Variants in THOC2 observed in about 807,000 individuals in gnomAD.
The protein encoded by THOC2 is THO complex 2.
Under a neutral mutation model 128.4 loss-of-function variants are expected in THOC2, and 10 were observed. The ratio of observed to expected loss-of-function variants is 0.08; its 90% CI spans 0.05 to 0.13. The LOEUF is 0.13. Among genes scored for constraint, THOC2 ranks in the 10% least tolerant of loss-of-function variants. The probability of loss-of-function intolerance (pLI) is 1.00; values close to 1 mark genes in which losing one functional copy is unlikely to be tolerated. For synonymous variants in THOC2, 393 were observed against 396.9 expected (o/e 0.99, Z 0.12); for missense variants, 535 against 1,155.7 (o/e 0.46, Z 7.79).
At chrX:123,609,324 C>T (rs183398602) in intron 38 of THOC2, among the ~76,000 whole-genome samples, 18 of 112,013 alleles carry the variant, frequency 1.6e-4, no homozygotes, top group Non-Finnish European at 2.4e-4. Context: ...CTATTAAATT[C>T]GAAATGTTCT....
At chrX:123,679,019 C>T (rs957363432) in intron 8 of THOC2, among the ~76,000 whole-genome samples, 6 of 110,916 alleles carry the variant, frequency 5.4e-5, no homozygotes, top group South Asian at 3.9e-4. Context: ...TCAAGAACAC[C>T]GCTCCAAATA....
In THOC2 at chrX:123,625,930, T is replaced by G; in HGVS notation, c.3039A>C (p.Thr1013=). 4 of 1,209,036 alleles carry G rather than the reference T, an allele frequency of 3.3e-6. No individual in the cohort carries two copies. Among genetic ancestry groups the G allele is most frequent in the Middle Eastern group, 2.3e-4 (1 of 4,330 alleles). ...VHQQKTPNFS[T]LLCYDRVFSD... is the part of the protein sequence containing the mutation. The stretch of plus-strand genomic sequence containing the variant: ...AACTTACTCGATCATAGCAAAGAAG[T>G]GTGGAAAAATTTGGAGTTTTCTGTT... The change falls in exon 25 of 39, where the codon ACA becomes ACC. Residue 1013 remains threonine, a synonymous_variant. Coordinates refer to ENST00000245838, the MANE Select transcript of THOC2 (RefSeq NM_001081550.2).
At chrX:123,698,773 G>A (rs753048445) in intron 4 of THOC2, among the ~76,000 whole-genome samples, 6 of 105,776 alleles carry the variant, frequency 5.7e-5, no homozygotes, top group African/African-American at 1.7e-4. Flanking sequence ...TACTAGGGAG[G>A]CTGAGGCAGG....
intron 15 of THOC2, among the ~76,000 whole-genome samples, chrX:123,643,507 A>G (rs1424312621): frequency 9.0e-6 from 1 of 111,309 alleles, no homozygotes; most frequent in Non-Finnish European, 1.9e-5. Flanking sequence ...CCTGGCACAT[A>G]CAGTAATAGC....
chrX:123,606,555 C>G (rs2473183), intron 38 of THOC2, among the ~76,000 whole-genome samples: 36,197 of 110,429 alleles, frequency 0.33, 4,422 homozygotes, highest in East Asian at 0.67. Flanking sequence ...GATCGCACCA[C>G]TGCACTCCAG....
At chrX:123,659,557 G>A (rs967686577) in intron 12 of THOC2, among the ~76,000 whole-genome samples, 4 of 111,959 alleles carry the variant, frequency 3.6e-5, no homozygotes, top group South Asian at 3.7e-4. Flanking sequence ...GCAACAGAGC[G>A]AGACTACGTC....
intron 28 of THOC2, chrX:123,623,556 T>A (rs1403847850): frequency 1.5e-6 from 1 of 661,752 alleles, no homozygotes; most frequent in Non-Finnish European, 2.2e-6. Context: ...TTATATTTCC[T>A]CCCAATCAAG....
chrX:123,721,165 GTTTTT>G (rs1264772971), intron 1 of THOC2, among the ~76,000 whole-genome samples: 1 of 108,903 alleles, frequency 9.2e-6, no homozygotes, highest in Non-Finnish European at 1.9e-5. Context: ...GTTGTTGCTG[GTTTTT>G]TTTGTTTGTT....
At chrX:123,691,965 T>C (rs2050239271) in intron 7 of THOC2, among the ~76,000 whole-genome samples, 1 of 112,086 alleles carries the variant, frequency 8.9e-6, no homozygotes, top group African/African-American at 3.2e-5. Flanking sequence ...GTTTTTACAC[T>C]ACAATGGCAG....
Position 123,645,390 on chromosome X carries a change from A to C in THOC2, c.1387-15T>G. 9.8e-7 allele frequency: 1 copy of C among 1,019,814 alleles called. No individual in the cohort carries two copies. The highest frequency in any genetic ancestry group is 1.3e-6 in the Non-Finnish European group (1 of 746,986). The allele number at this position is 1,019,814 out of a possible 1,213,427, so 84.0% of individuals were successfully genotyped here. A position where few individuals can be genotyped will look rare whatever the true frequency, so the allele number is the denominator to read the frequency against. ...TCAGACTGAAACTACAATTTAAAAAAAGAAATTAATAAAATACAAAAAGGT... is the reference window on the plus strand; with the variant it reads ...TCAGACTGAAACTACAATTTAAAAACAGAAATTAATAAAATACAAAAAGGT... On this transcript the variant is annotated splice_polypyrimidine_tract_variant and intron_variant, in intron 12 of 38. Coordinates refer to ENST00000245838, the MANE Select transcript of THOC2 (RefSeq NM_001081550.2).
chrX:123,705,928 A>G (rs908966870), intron 3 of THOC2, among the ~76,000 whole-genome samples: 32 of 111,420 alleles, frequency 2.9e-4, no homozygotes, highest in African/African-American at 1.0e-3. Flanking sequence ...GACACAAGAT[A>G]ATTTTATTTA....
intron 15 of THOC2, among the ~76,000 whole-genome samples, chrX:123,642,235 C>T (rs1489012120): frequency 2.7e-5 from 3 of 109,838 alleles, no homozygotes; most frequent in Non-Finnish European, 5.7e-5. Flanking sequence ...ACCAGCCTGG[C>T]CAACATGGTG....
At chrX:123,641,568 G>C (rs2047913780) in intron 15 of THOC2, among the ~76,000 whole-genome samples, 1 of 111,267 alleles carries the variant, frequency 9.0e-6, no homozygotes, top group South Asian at 3.7e-4. Flanking sequence ...ACAGTATTTT[G>C]TTCAAATTTC....
intron 6 of THOC2, 42 bp from the exon 7 acceptor site, chrX:123,696,196 TA>T: frequency 1.0e-6 from 1 of 976,942 alleles, no homozygotes; most frequent in South Asian, 2.2e-5. Context: ...AAATTAATTT[TA>T]ATTAACAAGC....
At chrX:123,725,571 G>A (rs1412805292) in intron 1 of THOC2, among the ~76,000 whole-genome samples, 1 of 93,423 alleles carries the variant, frequency 1.1e-5, no homozygotes, top group Non-Finnish European at 2.0e-5. Context: ...TAGTACCACT[G>A]CACTCCAGCC....
chrX:123,630,424 C>T (rs1300397780), intron 22 of THOC2, among the ~76,000 whole-genome samples: 2 of 109,474 alleles, frequency 1.8e-5, no homozygotes, highest in African/African-American at 6.7e-5. Context: ...ACCAGCCTGG[C>T]CAACATGGTG....
At chrX:123,660,624 G>A (rs2048786444) in intron 12 of THOC2, among the ~76,000 whole-genome samples, 1 of 112,094 alleles carries the variant, frequency 8.9e-6, no homozygotes, top group African/African-American at 3.2e-5. Context: ...AAAAAATACA[G>A]CCCTTTTGTT....
chrX:123,683,642 A>G lies in THOC2; in HGVS notation c.768+2906T>C, dbSNP rs779029597. Among the ~76,000 whole-genome samples the G allele has an allele frequency of 3.8e-5, 4 of 105,964 alleles. No individual in the cohort carries two copies. In the South Asian group the frequency reaches 1.3e-3, roughly 34 times the overall value. The allele number at this position is 105,964 out of a possible 115,157, so 92.0% of individuals were successfully genotyped here. ...AGACAGAGTTTCGCTCTTGTTGCCC[A>G]GGCTGGAGTGCAATGGCATGATCTC... On this transcript the variant is annotated intron_variant, in intron 8 of 38. Coordinates refer to ENST00000245838, the MANE Select transcript of THOC2 (RefSeq NM_001081550.2).
chrX:123,703,432 G>A, intron 4 of THOC2, 22 bp downstream of exon 4: 1 of 1,073,142 alleles, frequency 9.3e-7, no homozygotes, highest in Non-Finnish European at 1.3e-6. Context: ...CATTACAGGT[G>A]AAATAAAGGC....
Sources: gnomAD v4.1 joint callset for allele counts (sites outside exome capture counted in the v4.1 genomes callset) on GRCh38, gnomAD v4.1.1 for gene constraint, MANE v1.5 for transcripts, NCBI Gene and HGNC (gene_info 2026-07-23, HGNC 2026-07-21) for gene names.